Variants in SAG observed in about 807,000 individuals in gnomAD.
SAG encodes S-antigen visual arrestin, also known as S-arrestin.
A neutral mutation model predicts 55.0 loss-of-function variants in SAG; 45 were observed. The observed-to-expected ratio is 0.82, with a 90% CI of 0.64 to 1.05. The LOEUF (loss-of-function observed/expected upper bound fraction) is 1.05, where lower values mean the gene tolerates loss of function less well. Ranked by LOEUF, SAG falls within the 50% of genes least tolerant of loss-of-function variation. The pLI, the probability that SAG is intolerant of heterozygous loss-of-function variation, is 0.00. For synonymous variants in SAG, 189 were observed against 197.4 expected (o/e 0.96, Z 0.36); for missense variants, 455 against 512.1 (o/e 0.89, Z 1.08).
At chr2:233,331,125 G>A (rs1031386803) in intron 9 of SAG, among the ~76,000 whole-genome samples, 1 of 152,120 alleles carries the variant, frequency 6.6e-6, no homozygotes, top group South Asian at 2.1e-4. Context: ...GTCCCTATGA[G>A]TTAGATGCAA....
At chr2:233,342,233 T>A in intron 13 of SAG, 38 bp from the exon 14 acceptor site, 1 of 1,507,024 alleles carries the variant, frequency 6.6e-7, no homozygotes, top group Non-Finnish European at 9.1e-7. Flanking sequence ...CAATTGTGTG[T>A]ATGGGTGTTC....
At chr2:233,326,363 G>C (rs1324667392) in intron 6 of SAG, among the ~76,000 whole-genome samples, 1 of 152,132 alleles carries the variant, frequency 6.6e-6, no homozygotes, top group Non-Finnish European at 1.5e-5. Context: ...AAGGCAGGCG[G>C]ATCATGAGGT....
intron 2 of SAG, among the ~76,000 whole-genome samples, chr2:233,314,725 G>A (rs956513362): frequency 3.5e-4 from 53 of 152,294 alleles, no homozygotes; most frequent in African/African-American, 1.1e-3. Flanking sequence ...GGGTTCTAGT[G>A]GTATTTGCTG....
intron 6 of SAG, among the ~76,000 whole-genome samples, chr2:233,325,390 T>G (rs1338377324): frequency 6.6e-6 from 1 of 151,282 alleles, no homozygotes; most frequent in Non-Finnish European, 1.5e-5. Flanking sequence ...CAAAATGGAA[T>G]GGATTGGAAA....
At chr2:233,343,725 CAG>C (rs1701173169) in intron 14 of SAG, 10 of 1,206,656 alleles carry the variant, frequency 8.3e-6, no homozygotes, top group Non-Finnish European at 9.4e-6. Flanking sequence ...GAAAGAAAAA[CAG>C]ATCTGTCTAA....
chr2:233,316,017 A>T (rs1489947869), intron 2 of SAG, 58 bp from the exon 3 acceptor site: 2 of 1,063,964 alleles, frequency 1.9e-6, no homozygotes, highest in Non-Finnish European at 1.4e-6. Flanking sequence ...GGTTTTTATC[A>T]TGGATGCCTT....
intron 8 of SAG, chr2:233,329,139 C>T (rs569982803): frequency 5.3e-5 from 13 of 244,816 alleles, no homozygotes; most frequent in South Asian, 2.0e-4. Context: ...TGTGTATACA[C>T]GTGTGTGGGT....
At chr2:233,338,152 G>A (rs3792092) in intron 11 of SAG, among the ~76,000 whole-genome samples, 3,706 of 152,312 alleles carry the variant, frequency 0.024, 99 homozygotes, top group East Asian at 0.095. Context: ...GGGTTGTGTT[G>A]GCAAGACTGG....
intron 3 of SAG, among the ~76,000 whole-genome samples, chr2:233,317,050 T>G (rs1462009582): frequency 2.6e-5 from 4 of 152,144 alleles, no homozygotes; most frequent in African/African-American, 9.7e-5. Flanking sequence ...TTTGCAGAGA[T>G]GGAGTTTTGC....
intron 9 of SAG, among the ~76,000 whole-genome samples, chr2:233,330,013 G>A (rs572306209): frequency 6.6e-6 from 1 of 152,290 alleles, no homozygotes; most frequent in East Asian, 1.9e-4. Flanking sequence ...ACATGGAAGC[G>A]CTTTGTAAAT....
In SAG at chr2:233,320,673, C is replaced by T. The variant is rs1387717494; in HGVS notation, c.225C>T (p.Asp75=). 1.2e-6 allele frequency: 2 copies of T among 1,607,372 alleles called. No individual in the cohort carries two copies. The highest frequency in any genetic ancestry group is 1.1e-5 in the South Asian group (1 of 89,578). The stretch of plus-strand genomic sequence containing the variant: ...GCGCCTTCCGCTATGGCCAAGAGGA[C>T]ATTGACGTGATCGGCTTGACCTTCC... The part of the protein sequence containing the change: ...LTCAFRYGQE[D]IDVIGLTFRR... The change falls in exon 5 of 16, where the codon GAC becomes GAT. Residue 75 remains aspartate, a synonymous_variant. Transcript: ENST00000409110.
At chr2:233,326,456 A>C (rs1231617383) in intron 6 of SAG, among the ~76,000 whole-genome samples, 2 of 151,944 alleles carry the variant, frequency 1.3e-5, no homozygotes, top group African/African-American at 4.8e-5. Flanking sequence ...ATGGTGGTGC[A>C]CACCTGTAAT....
intron 5 of SAG, among the ~76,000 whole-genome samples, chr2:233,322,275 G>A (rs1574936095): frequency 6.6e-6 from 1 of 150,598 alleles, no homozygotes; most frequent in Non-Finnish European, 1.5e-5. Flanking sequence ...TTACAGCATT[G>A]TTTGTAATGG....
chr2:233,335,130 T>A, intron 11 of SAG, 31 bp downstream of exon 11: 1 of 1,597,490 alleles, frequency 6.3e-7, no homozygotes, highest in Non-Finnish European at 8.6e-7. Flanking sequence ...GAATAAGCCC[T>A]GGCAGGGCGG....
intron 14 of SAG, 106 bp from the exon 15 acceptor site, chr2:233,346,297 C>T: frequency 8.1e-7 from 1 of 1,229,940 alleles, no homozygotes; most frequent in East Asian, 2.3e-5. Context: ...ATTGTAAAGT[C>T]ACCTAAAAGG....
chr2:233,318,664 A>G, intron 3 of SAG, 87 bp from the exon 4 acceptor site: 2 of 1,118,096 alleles, frequency 1.8e-6, no homozygotes, highest in Non-Finnish European at 2.7e-6. Context: ...TTACATGTGT[A>G]ATTAAAAACA....
intron 14 of SAG, chr2:233,344,139 G>A (rs1701184185): frequency 6.6e-6 from 1 of 152,084 alleles, no homozygotes; most frequent in African/African-American, 2.4e-5. Context: ...TTTATGTTGG[G>A]TTGTTTTCTG....
intron 6 of SAG, among the ~76,000 whole-genome samples, chr2:233,324,329 C>G (rs1382440039): frequency 1.3e-5 from 2 of 152,152 alleles, no homozygotes; most frequent in Non-Finnish European, 2.9e-5. Flanking sequence ...GAAGCAGAGG[C>G]TGCAGTGAGC....
At position 233,342,168 on chromosome 2, in the gene SAG, G is replaced by C; in HGVS notation, c.1047-103G>C. On this transcript the variant is annotated intron_variant, in intron 13 of 15. Transcript: ENST00000409110. ...TCCCACTGCATTGTCTTTCAGCTTGGGCCTGGGGATCTTTTGTGACTCTCC... is the reference window on the plus strand; with the variant it reads ...TCCCACTGCATTGTCTTTCAGCTTGCGCCTGGGGATCTTTTGTGACTCTCC... 37 of 847,144 alleles carry C rather than the reference G, an allele frequency of 4.4e-5. 1 individual carries two copies. In the South Asian group the frequency reaches 5.5e-4, roughly 13 times the overall value. 52.5% of individuals were successfully genotyped at this position (847,144 alleles called of 1,614,324 possible). A position where few individuals can be genotyped will look rare whatever the true frequency, so the allele number is the denominator to read the frequency against.
Sources: allele counts gnomAD v4.1 joint callset (sites outside exome capture counted in the v4.1 genomes callset), GRCh38; gene constraint gnomAD v4.1.1; transcripts MANE v1.5; gene names NCBI Gene and HGNC (gene_info 2026-07-23, HGNC 2026-07-21).